CSMD2: variants seen among roughly 807,000 people sequenced by gnomAD.
The protein encoded by CSMD2 is CUB and Sushi multiple domains 2.
A neutral mutation model predicts 398.5 loss-of-function variants in CSMD2; 130 were observed. That is an observed-to-expected ratio of 0.33 (90% CI 0.28 to 0.38). CSMD2 has a LOEUF of 0.38. Among genes scored for constraint, CSMD2 ranks in the 10% least tolerant of loss-of-function variants. The pLI is 1.00. For synonymous variants in CSMD2, 1,828 were observed against 1,908.5 expected (o/e 0.96, Z 1.10); for missense variants, 3,829 against 4,764.9 (o/e 0.80, Z 5.78).
chr1:33,719,962 T>G (rs1001056643), intron 19 of CSMD2, among the ~76,000 whole-genome samples: 1 of 152,178 alleles, frequency 6.6e-6, no homozygotes, highest in Admixed American at 6.5e-5. Flanking sequence ...CAAGGGCACA[T>G]TCTCAGGACT....
At chr1:33,822,612 C>T (rs571699709) in intron 7 of CSMD2, among the ~76,000 whole-genome samples, 17 of 152,264 alleles carry the variant, frequency 1.1e-4, no homozygotes, top group African/African-American at 4.1e-4. Context: ...CATCCTGAGC[C>T]GTTCCCACCA....
At chr1:34,089,591 T>C (rs993682070) in intron 1 of CSMD2, among the ~76,000 whole-genome samples, 21 of 152,082 alleles carry the variant, frequency 1.4e-4, no homozygotes, top group Non-Finnish European at 1.6e-4. Flanking sequence ...CTAATTCCTC[T>C]CCCTCACTCT....
intron 4 of CSMD2, among the ~76,000 whole-genome samples, chr1:33,934,861 G>A (rs984176863): frequency 1.1e-4 from 17 of 149,904 alleles, no homozygotes; most frequent in South Asian, 2.1e-4. Flanking sequence ...AAAATTAGCC[G>A]GGCATGGTGG....
At chr1:33,602,329 G>T in intron 43 of CSMD2, 40 bp downstream of exon 43, 8 of 1,605,208 alleles carry the variant, frequency 5.0e-6, no homozygotes, top group Non-Finnish European at 6.8e-6. Context: ...CCCCAGTAAT[G>T]CTCCTTTCTA....
intron 5 of CSMD2, among the ~76,000 whole-genome samples, chr1:33,855,037 G>A (rs72663953): frequency 0.013 from 1,929 of 152,258 alleles, 15 homozygotes; most frequent in Non-Finnish European, 0.019. Context: ...TCTTCCCATC[G>A]TGCTGAAGTG....
At chr1:33,570,070 G>A (rs1659443832) in intron 51 of CSMD2, among the ~76,000 whole-genome samples, 3 of 152,146 alleles carry the variant, frequency 2.0e-5, no homozygotes, top group Non-Finnish European at 4.4e-5. Context: ...GCTGCCAAAC[G>A]CTTGGGACTA....
chr1:33,580,290 T>C (rs541878744), intron 48 of CSMD2, among the ~76,000 whole-genome samples: 3 of 152,318 alleles, frequency 2.0e-5, no homozygotes, highest in South Asian at 2.1e-4. Context: ...TCAGTCCTTA[T>C]AGATTGTTGC....
chr1:33,668,742 T>C (rs1644394161), intron 25 of CSMD2, among the ~76,000 whole-genome samples: 1 of 152,180 alleles, frequency 6.6e-6, no homozygotes, highest in African/African-American at 2.4e-5. Flanking sequence ...TTCCTTCCTA[T>C]TGATGACTTG....
intron 56 of CSMD2, among the ~76,000 whole-genome samples, chr1:33,546,822 A>G (rs1656951155): frequency 6.6e-6 from 1 of 151,592 alleles, no homozygotes; most frequent in Admixed American, 6.6e-5. Flanking sequence ...GCATAGCTTC[A>G]TTTCTTAACC....
intron 3 of CSMD2, among the ~76,000 whole-genome samples, chr1:33,944,123 A>G (rs964787785): frequency 3.9e-5 from 6 of 152,098 alleles, no homozygotes; most frequent in Admixed American, 6.5e-5. Flanking sequence ...ACCAAACTTT[A>G]GTTATAAAAA....
At chr1:34,081,253 A>AC (rs1454217043) in intron 2 of CSMD2, among the ~76,000 whole-genome samples, 1 of 151,786 alleles carries the variant, frequency 6.6e-6, no homozygotes, top group Non-Finnish European at 1.5e-5. Flanking sequence ...GCCTCTCCAC[A>AC]CCCCCAGAGT....
intron 1 of CSMD2, among the ~76,000 whole-genome samples, chr1:34,107,249 G>C (rs1214963623): frequency 6.6e-6 from 1 of 152,188 alleles, no homozygotes; most frequent in Non-Finnish European, 1.5e-5. Flanking sequence ...ACTCATGAAA[G>C]TTGAGGGCTT....
At chr1:33,777,797 A>G (rs1652196721) in intron 12 of CSMD2, among the ~76,000 whole-genome samples, 1 of 152,096 alleles carries the variant, frequency 6.6e-6, no homozygotes, top group South Asian at 2.1e-4. Context: ...CAGCTGTTTT[A>G]TCCCCATCAT....
intron 3 of CSMD2, among the ~76,000 whole-genome samples, chr1:34,016,074 ATTTT>A (rs1402586667): frequency 2.0e-5 from 3 of 151,466 alleles, no homozygotes; most frequent in Admixed American, 6.6e-5. Flanking sequence ...GTGCATGAAT[ATTTT>A]ATTTATATAC....
At chr1:33,582,978 C>A (rs1638833533) in intron 47 of CSMD2, among the ~76,000 whole-genome samples, 1 of 152,172 alleles carries the variant, frequency 6.6e-6, no homozygotes, top group Admixed American at 6.5e-5. Flanking sequence ...CATGGTTTCC[C>A]CCAGAGCTAT....
At chr1:33,527,047 G>C in intron 65 of CSMD2, 149 bp downstream of exon 65, 1 of 747,172 alleles carries the variant, frequency 1.3e-6, no homozygotes, top group East Asian at 2.7e-5. Flanking sequence ...GGGCTGGGGA[G>C]GTGGGTAGGG....
chr1:34,150,407 A>G (rs533366922), intron 1 of CSMD2, among the ~76,000 whole-genome samples: 3 of 152,274 alleles, frequency 2.0e-5, no homozygotes, highest in Non-Finnish European at 2.9e-5. Flanking sequence ...TTTAACTGGG[A>G]AACCTGTACA....
intron 12 of CSMD2, among the ~76,000 whole-genome samples, chr1:33,777,573 C>G (rs530824924): frequency 6.6e-6 from 1 of 152,310 alleles, no homozygotes; most frequent in Admixed American, 6.5e-5. Context: ...CCCAGAATTG[C>G]AAATAGACAA....
intron 14 of CSMD2, among the ~76,000 whole-genome samples, chr1:33,740,798 T>A (rs12041652): frequency 0.32 from 49,112 of 152,142 alleles, 9,792 homozygotes; most frequent in African/African-American, 0.57. Context: ...CACAGATACA[T>A]ACACCCACAT....
Sources: gnomAD v4.1 joint callset for allele counts (sites outside exome capture counted in the v4.1 genomes callset) on GRCh38, gnomAD v4.1.1 for gene constraint, MANE v1.5 for transcripts, NCBI Gene and HGNC (gene_info 2026-07-23, HGNC 2026-07-21) for gene names.